The following WHRN variants were observed in gnomAD, a reference collection of about 807,000 sequenced individuals.
WHRN encodes the protein CASK-interacting protein CIP98.
Under a neutral mutation model 68.3 loss-of-function variants are expected in WHRN, and 41 were observed. The observed-to-expected ratio is 0.60, with a 90% CI of 0.47 to 0.78. WHRN has a LOEUF of 0.78. Among genes scored for constraint, WHRN ranks in the 30% least tolerant of loss-of-function variants. The pLI is 0.00. For synonymous variants in WHRN, 560 were observed against 561.3 expected, an observed-to-expected ratio of 1.00 and a Z score of 0.03; for missense variants, 1,243 against 1,244.7, an observed-to-expected ratio of 1.00 and a Z score of 0.02.
Position 114,466,460 on chromosome 9 carries a change from A to G in WHRN, c.838-68T>C, listed in dbSNP as rs555065213. On this transcript the variant is annotated intron_variant, in intron 2 of 11. Transcript: ENST00000362057. ...ATCCCTTCCGGGGACAGCAGGCTGC[A>G]AAGCCCCCTCTCGTACTTTGAAGAG... The G allele has an allele frequency of 5.9e-5, 95 of 1,605,976 alleles. 2 individuals are homozygous for G. In the South Asian group the frequency reaches 1.0e-3, roughly 17 times the overall value.
intron 7 of WHRN, among the ~76,000 whole-genome samples, chr9:114,422,326 G>C (rs1836363523): frequency 6.6e-6 from 1 of 152,230 alleles, no homozygotes. Context: ...AGGAGAGCAT[G>C]GGGCCAAGCC....
intron 4 of WHRN, 100 bp from the exon 5 acceptor site, chr9:114,425,124 A>G: frequency 8.0e-7 from 1 of 1,242,964 alleles, no homozygotes; most frequent in Non-Finnish European, 1.2e-6. Flanking sequence ...CAAAGCTTCA[A>G]GAGAACCATG....
chr9:114,480,634 C>T (rs1427582917), intron 1 of WHRN, among the ~76,000 whole-genome samples: 1 of 152,142 alleles, frequency 6.6e-6, no homozygotes, highest in Non-Finnish European at 1.5e-5. Context: ...ATGTCTATTG[C>T]TAATGCCACC....
chr9:114,488,059 C>A (rs1842686232), intron 1 of WHRN, among the ~76,000 whole-genome samples: 1 of 152,276 alleles, frequency 6.6e-6, no homozygotes, highest in Non-Finnish European at 1.5e-5. Flanking sequence ...GTGCGAACTC[C>A]CTCAAAAGTG....
At chr9:114,432,150 G>A (rs917380318) in intron 3 of WHRN, among the ~76,000 whole-genome samples, 1 of 152,200 alleles carries the variant, frequency 6.6e-6, no homozygotes, top group Non-Finnish European at 1.5e-5. Context: ...TCATTTTAAG[G>A]CAGAGGAAAG....
At chr9:114,461,250 G>A (rs1051505280) in intron 3 of WHRN, among the ~76,000 whole-genome samples, 6 of 152,132 alleles carry the variant, frequency 3.9e-5, no homozygotes, top group South Asian at 2.1e-4. Context: ...CCATTCAGAC[G>A]CCGCCTAAGG....
At chr9:114,476,210 C>T (rs540566702) in intron 2 of WHRN, among the ~76,000 whole-genome samples, 1 of 152,190 alleles carries the variant, frequency 6.6e-6, no homozygotes, top group East Asian at 1.9e-4. Context: ...TCAAGCAACC[C>T]TCCTGCCTCA....
rs56204273 is a variant in WHRN, at chr9:114,504,573, T to C, written c.229A>G (p.Thr77Ala). ...ARRNVFDLVR[T>A]LRVLLDSPVK... ...GGACTGTCCAGCAGCACGCGCAGGG[T>C]GCGCACCAGGTCGAAGACGTTGCGG... The change falls in exon 1 of 12, where the codon ACC becomes GCC. Residue 77 changes from threonine (T) to alanine (A), a missense_variant. Thr to Ala is a moderately conservative substitution (Grantham distance 58, BLOSUM62 0). Coordinates refer to ENST00000362057, the MANE Select transcript of WHRN (RefSeq NM_015404.4). 2 of 1,611,514 alleles carry C rather than the reference T, an allele frequency of 1.2e-6. No homozygotes were observed. Among genetic ancestry groups the C allele is most frequent in the Non-Finnish European group, 8.5e-7 (1 of 1,179,758 alleles).
intron 2 of WHRN, among the ~76,000 whole-genome samples, chr9:114,466,881 G>A (rs1022509040): frequency 6.6e-6 from 1 of 151,550 alleles, no homozygotes; most frequent in African/African-American, 2.4e-5. Flanking sequence ...TCACCTCAGG[G>A]GTCTCCCGTC....
At chr9:114,430,207 G>A (rs1837290685) in intron 3 of WHRN, among the ~76,000 whole-genome samples, 1 of 152,184 alleles carries the variant, frequency 6.6e-6, no homozygotes, top group South Asian at 2.1e-4. Context: ...AGTGAGGGGA[G>A]GGAACAACTC....
chr9:114,407,035 G>A (rs933757975), intron 8 of WHRN, 143 bp from the exon 9 acceptor site: 1 of 966,962 alleles, frequency 1.0e-6, no homozygotes. Flanking sequence ...TCTGAATAAT[G>A]CAACACCTGA....
At chr9:114,485,447 T>C (rs1842402580) in intron 1 of WHRN, among the ~76,000 whole-genome samples, 1 of 152,184 alleles carries the variant, frequency 6.6e-6, no homozygotes, top group Non-Finnish European at 1.5e-5. Context: ...TCCCAGCACT[T>C]TGGGAGGCCG....
chr9:114,452,448 C>G (rs1044803335), intron 3 of WHRN, among the ~76,000 whole-genome samples: 1 of 152,164 alleles, frequency 6.6e-6, no homozygotes. Context: ...AGTAAGTATC[C>G]GGGAAATTGT....
chr9:114,478,431 G>C, intron 2 of WHRN, 122 bp downstream of exon 2: 2 of 1,090,496 alleles, frequency 1.8e-6, no homozygotes, highest in Admixed American at 3.5e-5. Context: ...ACAGACTTGA[G>C]GGAAGACAGA....
At chr9:114,411,252 G>T (rs1835416352) in intron 7 of WHRN, among the ~76,000 whole-genome samples, 2 of 152,192 alleles carry the variant, frequency 1.3e-5, no homozygotes, top group Admixed American at 6.5e-5. Flanking sequence ...CCTGGAAGTA[G>T]TCCAGCCAGG....
intron 7 of WHRN, among the ~76,000 whole-genome samples, chr9:114,416,702 G>C (rs1835843214): frequency 6.6e-6 from 1 of 152,202 alleles, no homozygotes; most frequent in African/African-American, 2.4e-5. Context: ...GTCTCAGGCA[G>C]TTTCTTACAG....
At chr9:114,416,123 C>T (rs1172081132) in intron 7 of WHRN, among the ~76,000 whole-genome samples, 1 of 152,176 alleles carries the variant, frequency 6.6e-6, no homozygotes, top group South Asian at 2.1e-4. Flanking sequence ...GTAAGGCCTT[C>T]AGGGGCAGGG....
At chr9:114,422,151 C>T (rs188518260) in intron 7 of WHRN, among the ~76,000 whole-genome samples, 1 of 152,202 alleles carries the variant, frequency 6.6e-6, no homozygotes, top group Non-Finnish European at 1.5e-5. Flanking sequence ...TCCCACTTAA[C>T]AAGACAGCTA....
At chr9:114,410,663 G>C (rs1193015784) in intron 7 of WHRN, among the ~76,000 whole-genome samples, 2 of 152,204 alleles carry the variant, frequency 1.3e-5, no homozygotes, top group African/African-American at 2.4e-5. Context: ...TCCTCATCTG[G>C]TCCCATGATG....
Sources: gnomAD v4.1 joint callset for allele counts (sites outside exome capture counted in the v4.1 genomes callset) on GRCh38, gnomAD v4.1.1 for gene constraint, MANE v1.5 for transcripts, NCBI Gene and HGNC (gene_info 2026-07-23, HGNC 2026-07-21) for gene names.